The following ANAPC16 variants were observed in gnomAD, a reference collection of about 807,000 sequenced individuals.
ANAPC16 encodes the protein anaphase-promoting complex subunit 16.
ANAPC16 carries 6 observed loss-of-function variants against 13.1 expected under a neutral mutation model. The ratio of observed to expected loss-of-function variants is 0.46; its 90% CI spans 0.25 to 0.90. The LOEUF is 0.90. ANAPC16 is among the 40% of genes least tolerant of loss of function. The pLI is 0.18. For synonymous variants in ANAPC16, 55 were observed against 51.3 expected, an observed-to-expected ratio of 1.07 and a Z score of -0.31; for missense variants, 113 against 131.1, an observed-to-expected ratio of 0.86 and a Z score of 0.67.
intron 1 of ANAPC16, chr10:72,216,869 A>G: frequency 2.2e-6 from 1 of 456,202 alleles, no homozygotes; most frequent in Non-Finnish European, 4.4e-6. Context: ...TTTGTTTGAC[A>G]AAATTTTACT....
intron 1 of ANAPC16, among the ~76,000 whole-genome samples, chr10:72,221,699 C>T (rs1404883514): frequency 6.7e-6 from 1 of 149,928 alleles, no homozygotes; most frequent in Admixed American, 6.7e-5. Context: ...GCTGAGACTA[C>T]AGGCGCCCAC....
Position 72,219,444 on chromosome 10 carries a change from T to G in ANAPC16, c.-28+3306T>G, listed in dbSNP as rs1859813782. On this transcript the variant is annotated intron_variant, in intron 1 of 3. Transcript: ENST00000299381. The stretch of plus-strand genomic sequence containing the variant: ...AGGAAGAGTGATCTAATAACAAGAT[T>G]GAAAATGTCAGCTGAGCAGAGTGGC... Among the ~76,000 whole-genome samples, 3 of 152,246 alleles carry G rather than the reference T, an allele frequency of 2.0e-5. No homozygotes were observed. The South Asian group carries it at 6.2e-4, about 32-fold the overall frequency.
Position 72,235,492 on chromosome 10 carries a change from G to A in ANAPC16, c.*2376G>A, listed in dbSNP as rs2133704013. The A allele has an allele frequency of 6.6e-6, 1 of 152,204 alleles. No homozygotes were observed. The highest frequency in any genetic ancestry group is 6.6e-5 in the Admixed American group (1 of 15,264). 9.4% of individuals were successfully genotyped at this position (152,204 alleles called of 1,614,324 possible). A position where few individuals can be genotyped will look rare whatever the true frequency, so the allele number is the denominator to read the frequency against. ...TAAATAAATAAAAATCAGAGCACAA[G>A]AAGTACCAGTCCACCAACTCACATT... On this transcript the variant is annotated 3_prime_UTR_variant, in exon 4 of 4. Transcript: ENST00000299381.
At chr10:72,223,838 T>C (rs1313117299) in intron 1 of ANAPC16, 50 bp from the exon 2 acceptor site, 10 of 1,353,788 alleles carry the variant, frequency 7.4e-6, no homozygotes, top group Non-Finnish European at 9.9e-6. Context: ...TGAAATGTTG[T>C]CACTCTCACT....
At chr10:72,232,920 A>G in intron 3 of ANAPC16, 81 bp from the exon 4 acceptor site, 1 of 1,127,094 alleles carries the variant, frequency 8.9e-7, no homozygotes, top group Non-Finnish European at 1.3e-6. Context: ...TTATTTTTAT[A>G]CCAGTCATCA....
chr10:72,232,043 A>G lies in ANAPC16; in HGVS notation c.218-958A>G, dbSNP rs570336041. On this transcript the variant is annotated intron_variant, in intron 3 of 3. Transcript: ENST00000299381. The stretch of plus-strand genomic sequence containing the variant: ...CTCTACTAAAAATACAAAATTAGCC[A>G]GGCATGGTGGCATATGCCTGTAATT... Among the ~76,000 whole-genome samples the G allele has an allele frequency of 2.7e-4, 41 of 151,114 alleles. No homozygotes were observed. In the East Asian group the frequency reaches 6.8e-3, roughly 25 times the overall value.
In ANAPC16 at chr10:72,233,367, G is replaced by A. The variant is rs1860384851; in HGVS notation, c.*251G>A. On this transcript the variant is annotated 3_prime_UTR_variant, in exon 4 of 4. Transcript: ENST00000299381. The stretch of plus-strand genomic sequence containing the variant: ...AAGACAATCAGTTTCAGAGAACCAG[G>A]AGGTTTGGGGTTAAGAGATACTCAA... 7.6e-6 allele frequency: 3 copies of A among 392,450 alleles called. No homozygotes were observed. The highest frequency in any genetic ancestry group is 1.4e-5 in the Non-Finnish European group (3 of 212,944). The allele number at this position is 392,450 out of a possible 1,614,324, so 24.3% of individuals were successfully genotyped here.
intron 3 of ANAPC16, among the ~76,000 whole-genome samples, chr10:72,231,303 T>C (rs1860293837): frequency 6.6e-6 from 1 of 152,116 alleles, no homozygotes; most frequent in African/African-American, 2.4e-5. Context: ...GTTGGGAGGC[T>C]GAAGCAGGAA....
At chr10:72,219,270 C>G (rs905015286) in intron 1 of ANAPC16, among the ~76,000 whole-genome samples, 2 of 152,136 alleles carry the variant, frequency 1.3e-5, no homozygotes, top group Admixed American at 6.5e-5. Context: ...TGGTCCCTTA[C>G]TGCTTAAGTT....
chr10:72,230,723 C>T (rs1860271532), intron 3 of ANAPC16, among the ~76,000 whole-genome samples: 2 of 152,072 alleles, frequency 1.3e-5, no homozygotes, highest in Non-Finnish European at 2.9e-5. Flanking sequence ...GGTGAAACTG[C>T]ATCTCTACAA....
chr10:72,231,231 T>A (rs1248896300), intron 3 of ANAPC16, among the ~76,000 whole-genome samples: 3 of 152,076 alleles, frequency 2.0e-5, no homozygotes, highest in South Asian at 2.1e-4. Flanking sequence ...GGATGAGTAC[T>A]TTTTTTAGGA....
At chr10:72,217,944 C>A (rs1309676230) in intron 1 of ANAPC16, among the ~76,000 whole-genome samples, 24 of 150,634 alleles carry the variant, frequency 1.6e-4, no homozygotes, top group African/African-American at 4.9e-4. Context: ...TGCAAATATC[C>A]CAAAACCTGA....
intron 1 of ANAPC16, among the ~76,000 whole-genome samples, chr10:72,222,100 G>C (rs1859958777): frequency 6.6e-6 from 1 of 151,312 alleles, no homozygotes; most frequent in African/African-American, 2.4e-5. Context: ...AGACCACGGT[G>C]GGAGAATCAC....
At chr10:72,228,431 A>G (rs1192478381) in intron 2 of ANAPC16, among the ~76,000 whole-genome samples, 2 of 152,182 alleles carry the variant, frequency 1.3e-5, no homozygotes, top group Non-Finnish European at 2.9e-5. Flanking sequence ...CTGTGAGGTA[A>G]TATTCTTTTT....
At position 72,219,002 on chromosome 10, in the gene ANAPC16, G is replaced by C. The variant is rs186439409; in HGVS notation, c.-28+2864G>C. On this transcript the variant is annotated intron_variant, in intron 1 of 3. Transcript: ENST00000299381. The stretch of plus-strand genomic sequence containing the variant: ...ACCTTTTGAAGCTGTCCTCACTCTG[G>C]CAGTTGCTTGGGTGCTCTGCTCAGC... Among the ~76,000 whole-genome samples, 406 of 152,278 alleles carry C rather than the reference G, an allele frequency of 2.7e-3. 2 individuals carry two copies. Among genetic ancestry groups the C allele is most frequent in the African/African-American group, 8.8e-3 (367 of 41,566 alleles).
intron 1 of ANAPC16, chr10:72,223,649 G>A (rs746490290): frequency 1.3e-4 from 39 of 294,486 alleles, no homozygotes; most frequent in Non-Finnish European, 2.2e-4. Flanking sequence ...TAAACAGTTC[G>A]CTAATGGTAG....
intron 2 of ANAPC16, among the ~76,000 whole-genome samples, chr10:72,224,712 A>G (rs2133676165): frequency 6.6e-6 from 1 of 151,794 alleles, no homozygotes; most frequent in East Asian, 1.9e-4. Flanking sequence ...CTCCCATGGT[A>G]GTAGGTTTGA....
In ANAPC16 at chr10:72,225,258, G is replaced by A. The variant is rs865920530; in HGVS notation, c.142+1202G>A. On this transcript the variant is annotated intron_variant, in intron 2 of 3. Coordinates refer to ENST00000299381, the MANE Select transcript of ANAPC16 (RefSeq NM_173473.4). ...ATATTGTGCCACTGCACTCCAGCCTGGGTGACAGAGCAAGACTCTGTCTCA... is the reference window on the plus strand; with the variant it reads ...ATATTGTGCCACTGCACTCCAGCCTAGGTGACAGAGCAAGACTCTGTCTCA... Among the ~76,000 whole-genome samples the A allele has an allele frequency of 3.9e-5, 6 of 152,188 alleles. No individual in the cohort carries two copies. In the Middle Eastern group the frequency reaches 0.014, roughly 345 times the overall value.
At position 72,233,429 on chromosome 10, in the gene ANAPC16, TG is replaced by T. The variant is rs1285525895; in HGVS notation, c.*315del. On this transcript the variant is annotated 3_prime_UTR_variant, in exon 4 of 4. Transcript: ENST00000299381. ...AGCCAAGTAGGGCATATATCAGATT[TG>T]GCCAACTGAATGGCGTCTGTCCTGT... is the stretch of plus-strand genomic sequence containing the variant. The T allele has an allele frequency of 4.0e-6, 1 of 247,082 alleles. No individual in the cohort carries two copies. The highest frequency in any genetic ancestry group is 8.0e-6 in the Non-Finnish European group (1 of 124,996). 15.3% of individuals were successfully genotyped at this position (247,082 alleles called of 1,614,324 possible).
Sources: gnomAD v4.1 joint callset for allele counts (sites outside exome capture counted in the v4.1 genomes callset) on GRCh38, gnomAD v4.1.1 for gene constraint, MANE v1.5 for transcripts, NCBI Gene and HGNC (gene_info 2026-07-23, HGNC 2026-07-21) for gene names.